The following FAM117B variants were observed in gnomAD, a reference collection of about 807,000 sequenced individuals.
FAM117B encodes protein FAM117B.
Under a neutral mutation model 52.8 loss-of-function variants are expected in FAM117B, and 22 were observed. The ratio of observed to expected loss-of-function variants is 0.42; its 90% CI spans 0.30 to 0.59. The LOEUF (loss-of-function observed/expected upper bound fraction) is 0.59. Ranked by LOEUF, FAM117B falls within the 20% of genes least tolerant of loss-of-function variation. The pLI is 0.22. For missense variants in FAM117B, 678 were observed against 802.6 expected, an observed-to-expected ratio of 0.84 and a Z score of 1.88; for synonymous variants, 309 against 324.1, an observed-to-expected ratio of 0.95 and a Z score of 0.50.
intron 4 of FAM117B, among the ~76,000 whole-genome samples, chr2:202,733,819 T>C (rs1424144149): frequency 6.6e-6 from 1 of 150,702 alleles, no homozygotes; most frequent in African/African-American, 2.5e-5. Context: ...TACAATAGTG[T>C]TCCTGAGGTG....
intron 1 of FAM117B, among the ~76,000 whole-genome samples, chr2:202,654,881 A>G (rs969272966): frequency 3.3e-5 from 5 of 152,020 alleles, no homozygotes; most frequent in Non-Finnish European, 7.4e-5. Context: ...AAATTACTCT[A>G]GTAAAAACAC....
At chr2:202,745,146 G>A (rs528125070) in intron 4 of FAM117B, among the ~76,000 whole-genome samples, 141 of 151,822 alleles carry the variant, frequency 9.3e-4, no homozygotes, top group Non-Finnish European at 1.5e-3. Context: ...TGGGCGTGGT[G>A]GTGCACTCCT....
intron 1 of FAM117B, among the ~76,000 whole-genome samples, chr2:202,684,205 C>T (rs757149625): frequency 6.6e-6 from 1 of 152,042 alleles, no homozygotes; most frequent in African/African-American, 2.4e-5. Flanking sequence ...TTGAATCCAG[C>T]AGTATAAATA....
chr2:202,652,605 C>T (rs1462773607), intron 1 of FAM117B, among the ~76,000 whole-genome samples: 1 of 152,158 alleles, frequency 6.6e-6, no homozygotes, highest in Non-Finnish European at 1.5e-5. Flanking sequence ...CCGTATGTGG[C>T]TCTATCTTGA....
At chr2:202,644,746 A>G (rs936299792) in intron 1 of FAM117B, among the ~76,000 whole-genome samples, 2 of 152,236 alleles carry the variant, frequency 1.3e-5, no homozygotes, top group Non-Finnish European at 2.9e-5. Context: ...TCCACTGGGT[A>G]TTGAAAGCAC....
chr2:202,762,798 G>A (rs1201398348), intron 7 of FAM117B, among the ~76,000 whole-genome samples: 1 of 151,926 alleles, frequency 6.6e-6, no homozygotes, highest in Non-Finnish European at 1.5e-5. Flanking sequence ...GAAGGCACAA[G>A]GAGAGTTTTT....
chr2:202,681,636 G>GT (rs1442983487), intron 1 of FAM117B, among the ~76,000 whole-genome samples: 16 of 152,220 alleles, frequency 1.1e-4, no homozygotes, highest in African/African-American at 3.9e-4. Flanking sequence ...ATAAAGCAGT[G>GT]TTCAACATTT....
intron 4 of FAM117B, among the ~76,000 whole-genome samples, chr2:202,747,713 A>C (rs1032922942): frequency 1.3e-5 from 2 of 152,140 alleles, no homozygotes; most frequent in African/African-American, 4.8e-5. Context: ...ATAGCTAAAA[A>C]AGAACAACAA....
At chr2:202,734,779 A>G (rs1336920840) in intron 4 of FAM117B, among the ~76,000 whole-genome samples, 1 of 152,254 alleles carries the variant, frequency 6.6e-6, no homozygotes, top group Non-Finnish European at 1.5e-5. Flanking sequence ...GGGAGCACCT[A>G]AATGTAAAAG....
At chr2:202,673,452 T>TG (rs1690331485) in intron 1 of FAM117B, among the ~76,000 whole-genome samples, 1 of 126,768 alleles carries the variant, frequency 7.9e-6, no homozygotes, top group African/African-American at 3.1e-5. Flanking sequence ...TTTTTTTTTT[T>TG]TTTTTTTTTT....
chr2:202,706,776 T>TTAGAATGTAACAAC (rs1465851040), intron 2 of FAM117B, among the ~76,000 whole-genome samples: 4 of 152,212 alleles, frequency 2.6e-5, no homozygotes, highest in Admixed American at 2.6e-4. Flanking sequence ...CTGGTTGAAA[T>TTAGAATGTAACAAC]TAGAATGTAA....
chr2:202,709,192 C>G (rs1050615619), intron 2 of FAM117B, among the ~76,000 whole-genome samples: 1 of 151,540 alleles, frequency 6.6e-6, no homozygotes, highest in African/African-American at 2.4e-5. Flanking sequence ...TTTTTTTCCC[C>G]AAGTCCTTAG....
intron 2 of FAM117B, among the ~76,000 whole-genome samples, chr2:202,701,263 A>G (rs899484958): frequency 5.9e-5 from 9 of 152,190 alleles, no homozygotes; most frequent in Non-Finnish European, 1.2e-4. Context: ...TTTTTATAGC[A>G]TGATTTACTG....
rs1559118986 is a variant in FAM117B at position 202,766,087 on chromosome 2, C to CAT, written c.*324_*325insTA. ...ACACACACACACACACACACACACACACACACACACACACACACACCCCTG... is the reference window on the plus strand; with the variant it reads ...ACACACACACACACACACACACACACATACACACACACACACACACACCCCTG... On this transcript the variant is annotated 3_prime_UTR_variant, in exon 8 of 8. Coordinates refer to ENST00000392238, the MANE Select transcript of FAM117B (RefSeq NM_173511.4). The CAT allele has an allele frequency of 3.4e-5, 8 of 236,418 alleles. No homozygotes were observed. Among genetic ancestry groups the CAT allele is most frequent in the Admixed American group, 2.6e-4 (5 of 19,098 alleles). 14.6% of individuals were successfully genotyped at this position (236,418 alleles called of 1,614,324 possible).
At chr2:202,691,038 G>T (rs1272731022) in intron 1 of FAM117B, among the ~76,000 whole-genome samples, 1 of 152,130 alleles carries the variant, frequency 6.6e-6, no homozygotes, top group Non-Finnish European at 1.5e-5. Flanking sequence ...TGAACAAATG[G>T]ATTAAAGGAA....
chr2:202,727,333 G>T (rs1691259571), intron 4 of FAM117B, among the ~76,000 whole-genome samples: 1 of 152,044 alleles, frequency 6.6e-6, no homozygotes, highest in African/African-American at 2.4e-5. Flanking sequence ...ATGTGTTTCT[G>T]TAAATAAGGT....
At chr2:202,715,823 C>T (rs578224510) in intron 2 of FAM117B, among the ~76,000 whole-genome samples, 1 of 152,378 alleles carries the variant, frequency 6.6e-6, no homozygotes, top group South Asian at 2.1e-4. Context: ...ACTCCGTCTG[C>T]AATCCCGGCA....
At chr2:202,635,813 A>C in intron 1 of FAM117B, 25 bp downstream of exon 1, 2 of 1,409,778 alleles carry the variant, frequency 1.4e-6, no homozygotes, top group Non-Finnish European at 1.8e-6. Context: ...TCGCGCAGCA[A>C]GGGGGAGGCG....
chr2:202,763,851 C>T (rs1691936192), intron 7 of FAM117B, among the ~76,000 whole-genome samples: 1 of 152,170 alleles, frequency 6.6e-6, no homozygotes, highest in Admixed American at 6.5e-5. Context: ...GTGTCCACTC[C>T]CCATCCGCTG....
Sources: gnomAD v4.1 joint callset for allele counts (sites outside exome capture counted in the v4.1 genomes callset) on GRCh38, gnomAD v4.1.1 for gene constraint, MANE v1.5 for transcripts, NCBI Gene and HGNC (gene_info 2026-07-23, HGNC 2026-07-21) for gene names.